Variants in RERE observed in about 807,000 individuals in gnomAD.
RERE encodes the protein arginine-glutamic acid dipeptide repeats.
A neutral mutation model predicts 146.1 loss-of-function variants in RERE; 40 were observed. That is an observed-to-expected ratio of 0.27 (90% CI 0.21 to 0.36). RERE has a LOEUF of 0.36. Ranked by LOEUF, RERE falls within the 10% of genes least tolerant of loss-of-function variation. The pLI, the probability that RERE is intolerant of heterozygous loss-of-function variation, is 1.00. For synonymous variants in RERE, 1,003 were observed against 866.0 expected (o/e 1.16, Z -2.78); for missense variants, 1,933 against 2,138.7 (o/e 0.90, Z 1.90).
chr1:8,643,700 G>GT (rs1647214576), intron 2 of RERE, among the ~76,000 whole-genome samples: 1 of 152,184 alleles, frequency 6.6e-6, no homozygotes, highest in East Asian at 1.9e-4. Flanking sequence ...TAATCTGGGG[G>GT]TTTTTGTGAA....
At chr1:8,810,316 TA>T (rs1049779543) in intron 1 of RERE, among the ~76,000 whole-genome samples, 1 of 149,246 alleles carries the variant, frequency 6.7e-6, no homozygotes, top group Non-Finnish European at 1.5e-5. Flanking sequence ...TATTTTTAAA[TA>T]AAATAAATCC....
At chr1:8,520,283 G>T (rs1645475042) in intron 7 of RERE, among the ~76,000 whole-genome samples, 3 of 152,012 alleles carry the variant, frequency 2.0e-5, no homozygotes, top group African/African-American at 7.3e-5. Flanking sequence ...GGAAAGAAAA[G>T]TGCTCTTTTA....
At chr1:8,745,175 C>T (rs866344664) in intron 1 of RERE, among the ~76,000 whole-genome samples, 24 of 152,072 alleles carry the variant, frequency 1.6e-4, no homozygotes, top group African/African-American at 5.8e-4. Context: ...CAGTTTCCCC[C>T]ATGATGTTCT....
intron 10 of RERE, among the ~76,000 whole-genome samples, chr1:8,466,713 T>C (rs1466936934): frequency 2.6e-5 from 4 of 152,240 alleles, no homozygotes; most frequent in Admixed American, 2.6e-4. Flanking sequence ...TCAGTACATA[T>C]GAATAAAGAT....
chr1:8,746,806 G>C (rs943938744), intron 1 of RERE, among the ~76,000 whole-genome samples: 2 of 149,320 alleles, frequency 1.3e-5, no homozygotes, highest in Non-Finnish European at 3.0e-5. Flanking sequence ...GCGTGTATGG[G>C]GGGGAAGTGA....
intron 12 of RERE, among the ~76,000 whole-genome samples, chr1:8,377,363 A>C (rs919043119): frequency 1.3e-5 from 2 of 152,138 alleles, no homozygotes; most frequent in Non-Finnish European, 2.9e-5. Context: ...AAATATTTTA[A>C]GTGTAATAAT....
intron 10 of RERE, among the ~76,000 whole-genome samples, chr1:8,479,301 T>C: frequency 6.8e-6 from 1 of 147,460 alleles, no homozygotes; most frequent in African/African-American, 2.7e-5. Context: ...TTTTTTAAAT[T>C]TTTTTTAAAT....
intron 4 of RERE, among the ~76,000 whole-genome samples, chr1:8,558,063 T>C (rs1646027609): frequency 6.6e-6 from 1 of 152,178 alleles, no homozygotes; most frequent in African/African-American, 2.4e-5. Flanking sequence ...TATTGTTAAG[T>C]GCCAAATGAA....
At chr1:8,721,579 G>C (rs982995507) in intron 1 of RERE, among the ~76,000 whole-genome samples, 2 of 152,080 alleles carry the variant, frequency 1.3e-5, no homozygotes, top group African/African-American at 4.8e-5. Context: ...CTCCCAAAAT[G>C]CCGGGATTAC....
intron 2 of RERE, among the ~76,000 whole-genome samples, chr1:8,637,086 A>ATTTTCT (rs1647111184): frequency 6.6e-6 from 1 of 152,166 alleles, no homozygotes; most frequent in Non-Finnish European, 1.5e-5. Flanking sequence ...AAACAGAAAA[A>ATTTTCT]GCTAGGAACA....
At chr1:8,574,864 T>G (rs1259496165) in intron 4 of RERE, among the ~76,000 whole-genome samples, 1 of 152,232 alleles carries the variant, frequency 6.6e-6, no homozygotes, top group Non-Finnish European at 1.5e-5. Context: ...GTTCACTATA[T>G]GAAAATTCAC....
intron 4 of RERE, among the ~76,000 whole-genome samples, chr1:8,612,513 C>CTTAT (rs1423684677): frequency 6.6e-6 from 1 of 152,114 alleles, no homozygotes; most frequent in Non-Finnish European, 1.5e-5. Context: ...CAGTCATGAA[C>CTTAT]TTATTTAAAT....
chr1:8,782,926 G>T (rs1031845549), intron 1 of RERE, among the ~76,000 whole-genome samples: 10 of 151,974 alleles, frequency 6.6e-5, no homozygotes, highest in African/African-American at 2.4e-4. Context: ...CAAATAATCT[G>T]CTCTAAACAC....
At chr1:8,605,942 T>C (rs1185795288) in intron 4 of RERE, among the ~76,000 whole-genome samples, 1 of 146,478 alleles carries the variant, frequency 6.8e-6, no homozygotes, top group African/African-American at 2.5e-5. Context: ...CCTCCTGGGC[T>C]CAAACAATCC....
At chr1:8,591,419 T>A (rs1379380849) in intron 4 of RERE, among the ~76,000 whole-genome samples, 1 of 145,272 alleles carries the variant, frequency 6.9e-6, no homozygotes, top group Non-Finnish European at 1.5e-5. Flanking sequence ...ATCAGCACTC[T>A]TTTTGCTTTA....
At chr1:8,733,749 G>A (rs1158569202) in intron 1 of RERE, among the ~76,000 whole-genome samples, 2 of 152,216 alleles carry the variant, frequency 1.3e-5, no homozygotes, top group Non-Finnish European at 2.9e-5. Flanking sequence ...GATAACAAAT[G>A]CTGAATGTTG....
chr1:8,566,849 G>A (rs1212586227), intron 4 of RERE, among the ~76,000 whole-genome samples: 1 of 151,074 alleles, frequency 6.6e-6, no homozygotes, highest in Non-Finnish European at 1.5e-5. Flanking sequence ...GGAGTGCAGT[G>A]GTGCGATCTC....
chr1:8,531,186 G>T (rs970465781), intron 7 of RERE, among the ~76,000 whole-genome samples: 1 of 152,034 alleles, frequency 6.6e-6, no homozygotes, highest in African/African-American at 2.4e-5. Flanking sequence ...TGGGCCCGGG[G>T]GCTCACAAAT....
At chr1:8,636,011 T>G (rs752756294) in intron 2 of RERE, among the ~76,000 whole-genome samples, 1 of 150,310 alleles carries the variant, frequency 6.7e-6, no homozygotes, top group Non-Finnish European at 1.5e-5. Context: ...TTTTTAAGAC[T>G]GAGTTTCACT....
Sources: gnomAD v4.1 joint callset for allele counts (sites outside exome capture counted in the v4.1 genomes callset) on GRCh38, gnomAD v4.1.1 for gene constraint, MANE v1.5 for transcripts, NCBI Gene and HGNC (gene_info 2026-07-23, HGNC 2026-07-21) for gene names.